Variants in BBS9 observed in about 807,000 individuals in gnomAD.
The protein encoded by BBS9 is protein PTHB1.
In BBS9, 89 loss-of-function variants were observed where a neutral mutation model predicts 117.7. That is an observed-to-expected ratio of 0.76 (90% CI 0.64 to 0.90). The LOEUF (loss-of-function observed/expected upper bound fraction) is 0.90, where lower values mean the gene tolerates loss of function less well. Ranked by LOEUF, BBS9 falls within the 40% of genes least tolerant of loss-of-function variation. The pLI is 0.00. For missense variants in BBS9, 982 were observed against 1,042.2 expected (o/e 0.94, Z 0.80); for synonymous variants, 379 against 370.9 (o/e 1.02, Z -0.25).
intron 9 of BBS9, among the ~76,000 whole-genome samples, chr7:33,331,109 T>C (rs369103006): frequency 3.9e-5 from 6 of 152,252 alleles, no homozygotes; most frequent in African/African-American, 4.8e-5. Flanking sequence ...GCAGGGATGA[T>C]TTAACATATA....
chr7:33,227,182 C>T (rs1791450643), intron 5 of BBS9, among the ~76,000 whole-genome samples: 1 of 147,890 alleles, frequency 6.8e-6, no homozygotes, highest in South Asian at 2.1e-4. Context: ...TTTTTTGAGA[C>T]ACAGTTTCAC....
At chr7:33,544,299 G>T (rs1464300100) in intron 21 of BBS9, among the ~76,000 whole-genome samples, 2 of 152,068 alleles carry the variant, frequency 1.3e-5, no homozygotes, top group African/African-American at 4.8e-5. Context: ...TTGGTTTTCT[G>T]GTTCCTTCTC....
At chr7:33,227,373 C>T (rs2128249101) in intron 5 of BBS9, among the ~76,000 whole-genome samples, 1 of 152,214 alleles carries the variant, frequency 6.6e-6, no homozygotes, top group South Asian at 2.1e-4. Flanking sequence ...GTCTCAAACT[C>T]TTGACCTCAA....
intron 20 of BBS9, 69 bp downstream of exon 20, chr7:33,505,714 C>T: frequency 3.3e-6 from 5 of 1,505,792 alleles, no homozygotes; most frequent in Non-Finnish European, 4.6e-6. Context: ...GAAGATATCA[C>T]ATGGCTATCA....
intron 17 of BBS9, among the ~76,000 whole-genome samples, chr7:33,374,536 C>G (rs1036789677): frequency 6.6e-6 from 1 of 151,982 alleles, no homozygotes; most frequent in African/African-American, 2.4e-5. Context: ...TGGAAAAAGC[C>G]TGTTGAAAAG....
At chr7:33,549,760 A>T (rs376909590) in intron 21 of BBS9, among the ~76,000 whole-genome samples, 1 of 152,190 alleles carries the variant, frequency 6.6e-6, no homozygotes, top group East Asian at 1.9e-4. Context: ...TGCCTTTTCT[A>T]CTGTCCTATG....
chr7:33,210,797 C>T (rs748468639), intron 5 of BBS9, among the ~76,000 whole-genome samples: 5 of 152,148 alleles, frequency 3.3e-5, no homozygotes, highest in African/African-American at 4.8e-5. Context: ...GCTGGGATTA[C>T]AGGCATGAGC....
chr7:33,258,564 T>C (rs566359239), intron 6 of BBS9, among the ~76,000 whole-genome samples: 1 of 152,306 alleles, frequency 6.6e-6, no homozygotes, highest in South Asian at 2.1e-4. Flanking sequence ...GATTGAATGG[T>C]GGCATTGCTA....
At chr7:33,516,468 A>G (rs566144036) in intron 20 of BBS9, among the ~76,000 whole-genome samples, 6 of 143,904 alleles carry the variant, frequency 4.2e-5, no homozygotes, top group African/African-American at 1.6e-4. Context: ...CAGCCTGGGC[A>G]GCAGAGCAAT....
intron 4 of BBS9, among the ~76,000 whole-genome samples, chr7:33,175,599 C>T (rs1797229990): frequency 6.6e-6 from 1 of 152,150 alleles, no homozygotes; most frequent in South Asian, 2.1e-4. Context: ...ACAGAAACAG[C>T]TTCATTCCTG....
intron 16 of BBS9, among the ~76,000 whole-genome samples, chr7:33,363,989 C>A (rs1189648293): frequency 3.3e-5 from 1 of 30,768 alleles, no homozygotes; most frequent in Admixed American, 2.3e-4. Flanking sequence ...CGCTCTGTCG[C>A]CCAGGCTGGA....
At chr7:33,147,580 C>T (rs553410372) in intron 2 of BBS9, among the ~76,000 whole-genome samples, 15 of 152,236 alleles carry the variant, frequency 9.9e-5, no homozygotes, top group African/African-American at 2.9e-4. Context: ...CCTCTGCCCC[C>T]GCTATTTGTT....
intron 21 of BBS9, among the ~76,000 whole-genome samples, chr7:33,620,319 T>C (rs1865341396): frequency 6.6e-6 from 1 of 151,986 alleles, no homozygotes; most frequent in Admixed American, 6.6e-5. Context: ...ATCTTGTGTA[T>C]AGTAAATCCT....
chr7:33,279,325 C>T (rs975912559), intron 9 of BBS9, among the ~76,000 whole-genome samples: 1 of 152,228 alleles, frequency 6.6e-6, no homozygotes, highest in Admixed American at 6.5e-5. Context: ...ATCCTCCCAC[C>T]TTGGCCTCCC....
At chr7:33,419,316 G>A (rs1832511119) in intron 19 of BBS9, among the ~76,000 whole-genome samples, 1 of 152,010 alleles carries the variant, frequency 6.6e-6, no homozygotes, top group African/African-American at 2.4e-5. Flanking sequence ...GAAATAAAAT[G>A]TACCTTTTTT....
chr7:33,411,641 G>A (rs1332587907), intron 19 of BBS9, among the ~76,000 whole-genome samples: 1 of 151,970 alleles, frequency 6.6e-6, no homozygotes, highest in Non-Finnish European at 1.5e-5. Context: ...ACATTTTATG[G>A]TAGTTTTGAG....
At chr7:33,368,577 T>TACACACACACACACACACACACACAC (rs201655079) in intron 17 of BBS9, among the ~76,000 whole-genome samples, 2 of 128,400 alleles carry the variant, frequency 1.6e-5, no homozygotes, top group African/African-American at 5.5e-5. Context: ...GAGAAAAAAG[T>TACACACACACACACACACACACACAC]ACACACACAC....
At position 33,534,123 on chromosome 7, in the gene BBS9, G is replaced by A. The variant is rs1176589347; in HGVS notation, c.2468G>A (p.Gly823Asp). ...CTCTGCGATAGATTATCCAAAGGTGGCCGTCTCTGCCTAAGTACCGATGCA... is the reference window on the plus strand; with the variant it reads ...CTCTGCGATAGATTATCCAAAGGTGACCGTCTCTGCCTAAGTACCGATGCA... The part of the protein sequence containing the change: ...TLLCDRLSKG[G>D]RLCLSTDAAA... Residue 823 changes from glycine to aspartate, a missense_variant, in exon 21 of 23, where the codon GGC becomes GAC. Physicochemically the swap from Gly to Asp is moderately conservative, Grantham distance 94. Coordinates refer to ENST00000242067, the MANE Select transcript of BBS9 (RefSeq NM_198428.3). The A allele has an allele frequency of 1.4e-5, 23 of 1,614,034 alleles. No individual in the cohort carries two copies. The highest frequency in any genetic ancestry group is 1.8e-5 in the Non-Finnish European group (21 of 1,180,044).
In BBS9 at chr7:33,202,675, C is replaced by T. The variant is rs536216023; in HGVS notation, c.442+25084C>T. 3.3e-5 allele frequency among the ~76,000 whole-genome samples: 5 copies of T among 152,142 alleles called. No individual in the cohort carries two copies. In the East Asian group the frequency reaches 9.7e-4, roughly 29 times the overall value. On this transcript the variant is annotated intron_variant, in intron 5 of 22. Coordinates refer to ENST00000242067, the MANE Select transcript of BBS9 (RefSeq NM_198428.3). ...AGGTGCTGTACACACTTTTAAACAACCAGATCTCATGAGAACTCACTCATT... is the reference window on the plus strand; with the variant it reads ...AGGTGCTGTACACACTTTTAAACAATCAGATCTCATGAGAACTCACTCATT...
Sources: allele counts gnomAD v4.1 joint callset (sites outside exome capture counted in the v4.1 genomes callset), GRCh38; gene constraint gnomAD v4.1.1; transcripts MANE v1.5; gene names NCBI Gene and HGNC (gene_info 2026-07-23, HGNC 2026-07-21).